The following CCDC57 variants were observed in gnomAD, a reference collection of about 807,000 sequenced individuals.
The protein encoded by CCDC57 is coiled-coil domain-containing protein 57.
Under a neutral mutation model 118.9 loss-of-function variants are expected in CCDC57, and 118 were observed. The observed-to-expected ratio is 0.99, with a 90% CI of 0.86 to 1.16. The LOEUF is 1.16. Ranked by LOEUF, CCDC57 falls within the 50% of genes most tolerant of loss-of-function variation. The pLI, the probability that CCDC57 is intolerant of heterozygous loss-of-function variation, is 0.00. For missense variants in CCDC57, 1,300 were observed against 1,320.7 expected, an observed-to-expected ratio of 0.98 and a Z score of 0.24; for synonymous variants, 527 against 532.9, an observed-to-expected ratio of 0.99 and a Z score of 0.15.
chr17:82,147,407 GATGGGTGGGTGA>G (rs1308373586), intron 16 of CCDC57, among the ~76,000 whole-genome samples: 3 of 151,532 alleles, frequency 2.0e-5, no homozygotes, highest in African/African-American at 7.3e-5. Context: ...TGAACAGATG[GATGGGTGGGTGA>G]ATGGATGGAT....
At chr17:82,186,932 A>G (rs1191970487) in intron 8 of CCDC57, among the ~76,000 whole-genome samples, 1 of 150,468 alleles carries the variant, frequency 6.6e-6, no homozygotes, top group Non-Finnish European at 1.5e-5. Context: ...ACAGAGTAAG[A>G]CCCTGTCTCA....
intron 14 of CCDC57, among the ~76,000 whole-genome samples, chr17:82,161,906 G>A (rs929588949): frequency 2.0e-5 from 3 of 151,976 alleles, no homozygotes; most frequent in African/African-American, 4.8e-5. Context: ...ATGTTTATAC[G>A]ACATTGTGAA....
chr17:82,114,625 T>C (rs1171031745), intron 19 of CCDC57, among the ~76,000 whole-genome samples: 1 of 151,800 alleles, frequency 6.6e-6, no homozygotes, highest in Non-Finnish European at 1.5e-5. Flanking sequence ...GGAGGGCGGC[T>C]GGAGCTCGGC....
intron 7 of CCDC57, among the ~76,000 whole-genome samples, chr17:82,190,992 C>T (rs1034368867): frequency 6.6e-6 from 1 of 151,826 alleles, no homozygotes; most frequent in Non-Finnish European, 1.5e-5. Context: ...GGAAGCCATC[C>T]AGCCCAAATA....
At chr17:82,119,375 A>T (rs1017932438) in intron 19 of CCDC57, among the ~76,000 whole-genome samples, 4 of 151,588 alleles carry the variant, frequency 2.6e-5, no homozygotes, top group Non-Finnish European at 5.9e-5. Flanking sequence ...CCTCACAGTT[A>T]TCTCCCTGTA....
intron 19 of CCDC57, among the ~76,000 whole-genome samples, chr17:82,120,915 C>A (rs1022327879): frequency 1.3e-4 from 20 of 152,134 alleles, no homozygotes; most frequent in African/African-American, 4.8e-4. Context: ...GCCACCACGC[C>A]CGGCTAATTT....
At position 82,172,977 on chromosome 17, in the gene CCDC57, G is replaced by C; in HGVS notation, c.1507-117C>G. On this transcript the variant is annotated intron_variant, in intron 11 of 19. Transcript: ENST00000665763. The surrounding 1 kb of genome is among the most constrained non-coding windows in gnomAD (Gnocchi z 5.2). ...TCGGGCCGGTCCCCCGCTTCAGCTT[G>C]GGCTGTGGTCCCTCCCCATCCCCAG... 1.1e-6 allele frequency: 1 copy of C among 874,618 alleles called. No individual in the cohort carries two copies. The highest frequency in any genetic ancestry group is 1.8e-6 in the Non-Finnish European group (1 of 545,656). 54.2% of individuals were successfully genotyped at this position (874,618 alleles called of 1,614,324 possible).
At chr17:82,113,338 C>G (rs1285731352) in intron 19 of CCDC57, 9 of 707,008 alleles carry the variant, frequency 1.3e-5, no homozygotes, top group Non-Finnish European at 2.1e-5. Context: ...GGCTGTGCAT[C>G]CAGCCTCATA....
intron 2 of CCDC57, among the ~76,000 whole-genome samples, chr17:82,206,994 T>A (rs1409749702): frequency 1.3e-5 from 2 of 152,174 alleles, no homozygotes. Context: ...AACCCCCTTT[T>A]TGCCTGGGGA....
chr17:82,184,016 T>TGCGTGCGCGC, intron 8 of CCDC57, 84 bp from the exon 8 acceptor site: 1 of 304,612 alleles, frequency 3.3e-6, no homozygotes, highest in Non-Finnish European at 6.1e-6. Flanking sequence ...CAAATACACA[T>TGCGTGCGCGC]GCGCGCGCGC....
chr17:82,130,064 G>C (rs2038099766), intron 17 of CCDC57, among the ~76,000 whole-genome samples: 1 of 152,006 alleles, frequency 6.6e-6, no homozygotes, highest in African/African-American at 2.4e-5. Flanking sequence ...AGACAGGTGT[G>C]ATGGCACACA....
chr17:82,143,885 G>A (rs1211144672), intron 16 of CCDC57, among the ~76,000 whole-genome samples: 1 of 150,880 alleles, frequency 6.6e-6, no homozygotes, highest in Non-Finnish European at 1.5e-5. Context: ...GATTGCTTGA[G>A]CTCAGGAGTT....
Position 82,172,181 on chromosome 17 carries a change from G to A in CCDC57, c.1730-328C>T, listed in dbSNP as rs976578913. On this transcript the variant is annotated intron_variant, in intron 12 of 19. Transcript: ENST00000665763. This position sits in a 1 kb window ranked among gnomAD's most constrained non-coding sequence, Gnocchi z 5.2. ...GTGCAGAGGGGCCAAGTCCCATCTC[G>A]AGAACGGAAGCTCTGCCTCCATCCC... Among the ~76,000 whole-genome samples, 13 of 152,314 alleles carry A rather than the reference G, an allele frequency of 8.5e-5. 1 individual carries two copies.
At chr17:82,198,066 G>T (rs1298245221) in intron 4 of CCDC57, among the ~76,000 whole-genome samples, 1 of 152,126 alleles carries the variant, frequency 6.6e-6, no homozygotes, top group Non-Finnish European at 1.5e-5. Context: ...TTTCCCTGGA[G>T]AACCCTGACT....
chr17:82,180,215 A>AG (rs1198348017), intron 9 of CCDC57, among the ~76,000 whole-genome samples: 3 of 152,204 alleles, frequency 2.0e-5, no homozygotes, highest in African/African-American at 7.2e-5. Context: ...TCAGACAGTG[A>AG]GGGAATGGAG....
intron 9 of CCDC57, 99 bp from the exon 9 acceptor site, chr17:82,179,288 T>A (rs2045911181): frequency 7.3e-7 from 1 of 1,371,996 alleles, no homozygotes; most frequent in Non-Finnish European, 9.9e-7. Flanking sequence ...CCGCTGTCCC[T>A]CCTGCTCTCG....
At chr17:82,138,926 C>T (rs547953580) in intron 16 of CCDC57, among the ~76,000 whole-genome samples, 5 of 152,332 alleles carry the variant, frequency 3.3e-5, no homozygotes, top group East Asian at 3.9e-4. Context: ...CTTACTTTAA[C>T]GTGAGCTGTG....
At chr17:82,195,549 C>T (rs544050635) in intron 4 of CCDC57, among the ~76,000 whole-genome samples, 185 bp from the exon 4 acceptor site, 4 of 151,548 alleles carry the variant, frequency 2.6e-5, no homozygotes, top group East Asian at 1.9e-4. Context: ...GAGGCCGAGG[C>T]GGGAGGATCG....
exon 20 of CCDC57, chr17:82,101,664 C>T (rs76694831): frequency 1.4e-5 from 22 of 1,569,408 alleles, no homozygotes; most frequent in African/African-American, 1.4e-4. Context: ...CTTAGTGGGG[C>T]GGGGTGGGGG....
Sources: gnomAD v4.1 joint callset for allele counts (sites outside exome capture counted in the v4.1 genomes callset) on GRCh38, gnomAD v4.1.1 for gene constraint, Gnocchi (gnomAD v3.1) non-coding constraint, MANE v1.5 for transcripts, NCBI Gene and HGNC (gene_info 2026-07-23, HGNC 2026-07-21) for gene names.